Variants in DNAH8 observed in about 807,000 individuals in gnomAD.
DNAH8 encodes the protein axonemal beta dynein heavy chain 8.
Under a neutral mutation model 562.1 loss-of-function variants are expected in DNAH8, and 382 were observed. That is an observed-to-expected ratio of 0.68 (90% CI 0.63 to 0.74). The LOEUF (loss-of-function observed/expected upper bound fraction) is 0.74. Among genes scored for constraint, DNAH8 ranks in the 30% least tolerant of loss-of-function variants. The pLI is 0.00. For synonymous variants in DNAH8, 1,881 were observed against 1,919.4 expected, an observed-to-expected ratio of 0.98 and a Z score of 0.52; for missense variants, 5,203 against 5,620.4, an observed-to-expected ratio of 0.93 and a Z score of 2.37.
At chr6:38,715,804 C>G (rs1242535991) in intron 1 of DNAH8, among the ~76,000 whole-genome samples, 1 of 108,600 alleles carries the variant, frequency 9.2e-6, no homozygotes, top group East Asian at 2.0e-4. Flanking sequence ...AACTACATAT[C>G]GCTTGCAATG....
chr6:38,843,905 A>G (rs1046399300), intron 35 of DNAH8, among the ~76,000 whole-genome samples: 1 of 152,046 alleles, frequency 6.6e-6, no homozygotes, highest in Non-Finnish European at 1.5e-5. Flanking sequence ...TACACTGTCC[A>G]TGTCCCCTCA....
chr6:38,960,278 G>A (rs1435285764), intron 82 of DNAH8, among the ~76,000 whole-genome samples: 1 of 151,906 alleles, frequency 6.6e-6, no homozygotes, highest in Non-Finnish European at 1.5e-5. Flanking sequence ...ATTACCTCAA[G>A]CTACAAAGCT....
intron 25 of DNAH8, 81 bp from the exon 26 acceptor site, chr6:38,815,387 A>C (rs1583077732): frequency 2.6e-6 from 3 of 1,135,202 alleles, no homozygotes; most frequent in Admixed American, 1.9e-5. Context: ...TGCCCCACTC[A>C]GTGGGGAATG....
chr6:38,892,749 C>A (rs2150490651), intron 58 of DNAH8, among the ~76,000 whole-genome samples: 1 of 152,222 alleles, frequency 6.6e-6, no homozygotes, highest in East Asian at 1.9e-4. Flanking sequence ...TTCTTAAAAC[C>A]ACCAGTAGAC....
At chr6:38,895,060 C>G (rs1034984598) in intron 59 of DNAH8, among the ~76,000 whole-genome samples, 196 bp downstream of exon 59, 2 of 152,118 alleles carry the variant, frequency 1.3e-5, no homozygotes, top group East Asian at 1.9e-4. Flanking sequence ...TCCCCCGTAG[C>G]TGGGATCACA....
At chr6:38,859,211 T>C (rs959574431) in intron 42 of DNAH8, among the ~76,000 whole-genome samples, 8 of 152,216 alleles carry the variant, frequency 5.3e-5, no homozygotes, top group African/African-American at 1.9e-4. Flanking sequence ...TCTTAACAGA[T>C]GGTTGAAAGT....
At chr6:38,930,687 T>G (rs965687360) in intron 75 of DNAH8, among the ~76,000 whole-genome samples, 13 of 152,180 alleles carry the variant, frequency 8.5e-5, no homozygotes, top group African/African-American at 3.1e-4. Context: ...TATGGACTCA[T>G]CCACAATTTT....
At position 38,828,085 on chromosome 6, in the gene DNAH8, C is replaced by T. The variant is rs561403366; in HGVS notation, c.4084-99C>T. On this transcript the variant is annotated intron_variant, in intron 29 of 92. Transcript: ENST00000327475. ...AAACCACTTTTCTAGAACATGCTGT[C>T]TTCTTCTAAGACATAGGAATGTGTT... is the stretch of plus-strand genomic sequence containing the variant. 7.9e-5 allele frequency: 61 copies of T among 776,114 alleles called. No homozygotes were observed. The African/African-American group carries it at 1.1e-3, about 13-fold the overall frequency. The allele number at this position is 776,114 out of a possible 1,614,324, so 48.1% of individuals were successfully genotyped here.
chr6:38,750,854 A>T (rs1765383186), intron 9 of DNAH8, among the ~76,000 whole-genome samples: 1 of 152,228 alleles, frequency 6.6e-6, no homozygotes, highest in African/African-American at 2.4e-5. Flanking sequence ...GGGGAAAAAC[A>T]TCCTGCCAAA....
intron 53 of DNAH8, among the ~76,000 whole-genome samples, chr6:38,882,698 GT>G (rs1339470777): frequency 3.9e-5 from 6 of 152,016 alleles, no homozygotes; most frequent in South Asian, 4.2e-4. Flanking sequence ...GAACCTGAAA[GT>G]TTTTTTAAAA....
intron 85 of DNAH8, 151 bp downstream of exon 85, chr6:38,974,680 A>G (rs1401182459): frequency 8.0e-6 from 5 of 623,508 alleles, no homozygotes; most frequent in South Asian, 2.1e-5. Flanking sequence ...GGTATAGTGT[A>G]TATTTGTTTA....
At chr6:39,027,971 G>A (rs1241254664) in intron 92 of DNAH8, among the ~76,000 whole-genome samples, 1 of 152,008 alleles carries the variant, frequency 6.6e-6, no homozygotes, top group African/African-American at 2.4e-5. Flanking sequence ...CATTTGTCAA[G>A]TAAGGGGGCT....
chr6:38,977,171 G>C (rs971388720), intron 85 of DNAH8, among the ~76,000 whole-genome samples: 1 of 152,198 alleles, frequency 6.6e-6, no homozygotes, highest in Admixed American at 6.5e-5. Flanking sequence ...GAGTGGTGGA[G>C]GGCGTGGTTT....
At chr6:38,772,751 A>T (rs1678653) in intron 12 of DNAH8, among the ~76,000 whole-genome samples, 1 of 151,708 alleles carries the variant, frequency 6.6e-6, no homozygotes, top group Non-Finnish European at 1.5e-5. Context: ...TTGTGTTTTT[A>T]ATGTCATATC....
In DNAH8 at chr6:38,870,471, A is replaced by G; in HGVS notation, c.6899A>G (p.Asn2300Ser). 1 of 1,614,116 alleles carries G rather than the reference A, an allele frequency of 6.2e-7. No homozygotes were observed. The highest frequency in any genetic ancestry group is 1.1e-5 in the South Asian group (1 of 91,088). The change falls in exon 49 of 93, where the codon AAT becomes AGT. Residue 2300 changes from asparagine to serine, a missense_variant. By Grantham distance (46) the Asn-to-Ser change is conservative. Around this residue, in one of 6 missense-constraint regions of DNAH8, gnomAD observed 2,176 missense variants for 2,365.1 expected, o/e 0.92. Coordinates refer to ENST00000327475, the MANE Select transcript of DNAH8 (RefSeq NM_001206927.2). ...DLFPGLQLDSNTYAELQNAVA... is the reference protein window; with the variant it reads ...DLFPGLQLDSSTYAELQNAVA... ...TTCCCAGGACTGCAACTGGATAGTA[A>G]TACTTATGCAGAACTGCAAAACGCA... is the stretch of plus-strand genomic sequence containing the variant.
At chr6:38,919,086 T>C (rs528120107) in intron 70 of DNAH8, among the ~76,000 whole-genome samples, 1 of 152,032 alleles carries the variant, frequency 6.6e-6, no homozygotes, top group African/African-American at 2.4e-5. Context: ...AAATGTAGAA[T>C]TCAAGAAAAA....
Position 38,981,055 on chromosome 6 carries a change from G to GTGTT in DNAH8, c.12835-1288_12835-1287insTTGT, listed in dbSNP as rs1554152112. 5.9e-5 allele frequency among the ~76,000 whole-genome samples: 9 copies of GTGTT among 151,496 alleles called. 1 individual carries two copies. Among genetic ancestry groups the GTGTT allele is most frequent in the African/African-American group, 2.2e-4 (9 of 41,116 alleles). Reference sequence around the variant, plus strand: ...TGTGTGTGTGTGTGTGTGTGTGTGTGTGTGTGTTGAGTTGGGGAAGGCAGA... The same window carrying GTGTT: ...TGTGTGTGTGTGTGTGTGTGTGTGTGTGTTTGTGTGTTGAGTTGGGGAAGGCAGA... On this transcript the variant is annotated intron_variant, in intron 85 of 92. Coordinates refer to ENST00000327475, the MANE Select transcript of DNAH8 (RefSeq NM_001206927.2).
At position 38,888,849 on chromosome 6, in the gene DNAH8, C is replaced by T. The variant is rs537449700; in HGVS notation, c.8474-1803C>T. On this transcript the variant is annotated intron_variant, in intron 57 of 92. Coordinates refer to ENST00000327475, the MANE Select transcript of DNAH8 (RefSeq NM_001206927.2). ...TTGCATCCCTGCTGGTAAAGTAGGGCGTGTGCCCATCCCTAGCAGTACCAC... is the reference window on the plus strand; with the variant it reads ...TTGCATCCCTGCTGGTAAAGTAGGGTGTGTGCCCATCCCTAGCAGTACCAC... Among the ~76,000 whole-genome samples, 5 of 152,344 alleles carry T rather than the reference C, an allele frequency of 3.3e-5. No individual in the cohort carries two copies. In the South Asian group the frequency reaches 1.0e-3, roughly 32 times the overall value.
rs56247993 is a variant in DNAH8 at position 38,803,330 on chromosome 6, G to A, written c.3034+19G>A. ...CAGTCAGGTAACTTTTCTCGTTACTGTGTTTGAATTACAAGATCTACAGAT... is the reference window on the plus strand; with the variant it reads ...CAGTCAGGTAACTTTTCTCGTTACTATGTTTGAATTACAAGATCTACAGAT... On this transcript the variant is annotated intron_variant, in intron 22 of 92. Coordinates refer to ENST00000327475, the MANE Select transcript of DNAH8 (RefSeq NM_001206927.2). The A allele has an allele frequency of 0.15, 241,846 of 1,582,620 alleles. 19,718 individuals carry two copies. The highest frequency in any genetic ancestry group is 0.27 in the Admixed American group (15,536 of 56,796).
Sources: allele counts gnomAD v4.1 joint callset (sites outside exome capture counted in the v4.1 genomes callset), GRCh38; gene constraint gnomAD v4.1.1; regional missense constraint gnomAD v4.1.1; transcripts MANE v1.5; gene names NCBI Gene and HGNC (gene_info 2026-07-23, HGNC 2026-07-21).